The following SLC16A7 variants were observed in gnomAD, a reference collection of about 807,000 sequenced individuals.
SLC16A7 encodes the protein solute carrier family 16 member 7.
SLC16A7 carries 33 observed loss-of-function variants against 34.9 expected under a neutral mutation model. The ratio of observed to expected loss-of-function variants is 0.94; its 90% CI spans 0.72 to 1.26. The LOEUF is 1.26. Among genes scored for constraint, SLC16A7 ranks in the 50% most tolerant of loss-of-function variants. The pLI, the probability that SLC16A7 is intolerant of heterozygous loss-of-function variation, is 0.00. For missense variants in SLC16A7, 573 were observed against 578.1 expected, an observed-to-expected ratio of 0.99 and a Z score of 0.09; for synonymous variants, 201 against 206.6, an observed-to-expected ratio of 0.97 and a Z score of 0.23.
intron 2 of SLC16A7, among the ~76,000 whole-genome samples, chr12:59,655,894 G>T (rs964291873): frequency 6.6e-6 from 1 of 151,762 alleles, no homozygotes; most frequent in African/African-American, 2.4e-5. Flanking sequence ...AACTTATAAG[G>T]GAGATAATTT....
chr12:59,704,747 C>A, intron 2 of SLC16A7, 25 bp from the exon 3 acceptor site: 1 of 1,205,244 alleles, frequency 8.3e-7, no homozygotes, highest in Admixed American at 2.1e-5. Context: ...AAAATTTAAA[C>A]TGTTATTTCA....
At chr12:59,682,332 C>G (rs972991646) in intron 2 of SLC16A7, among the ~76,000 whole-genome samples, 2 of 151,982 alleles carry the variant, frequency 1.3e-5, no homozygotes, top group African/African-American at 2.4e-5. Context: ...TCTTAGGGGA[C>G]AGAAGACTAT....
intron 1 of SLC16A7, among the ~76,000 whole-genome samples, chr12:59,645,489 G>T (rs1393547258): frequency 6.6e-6 from 1 of 152,096 alleles, no homozygotes; most frequent in Non-Finnish European, 1.5e-5. Flanking sequence ...TCTTCCTGCT[G>T]CCAAGTGAAG....
intron 2 of SLC16A7, among the ~76,000 whole-genome samples, chr12:59,685,021 G>A (rs1176034385): frequency 6.6e-6 from 1 of 152,042 alleles, no homozygotes; most frequent in Non-Finnish European, 1.5e-5. Flanking sequence ...TTTTAGGGGA[G>A]ACTCACAATC....
intron 3 of SLC16A7, among the ~76,000 whole-genome samples, chr12:59,725,044 T>G (rs2137218818): frequency 6.6e-6 from 1 of 152,062 alleles, no homozygotes; most frequent in South Asian, 2.1e-4. Context: ...ATTCCAAAAA[T>G]ATTGTTGCAT....
Position 59,705,034 on chromosome 12 carries a change from T to C in SLC16A7, c.217+16T>C, listed in dbSNP as rs370635785. 5.7e-5 allele frequency: 86 copies of C among 1,516,498 alleles called. 1 individual carries two copies. In the Admixed American group the frequency reaches 7.2e-4, roughly 13 times the overall value. 93.9% of individuals were successfully genotyped at this position (1,516,498 alleles called of 1,614,324 possible). On this transcript the variant is annotated intron_variant, in intron 3 of 5. Coordinates refer to ENST00000547379, the MANE Select transcript of SLC16A7 (RefSeq NM_001270623.2). ...TACGCAGGAGGTAAGCTTCTTGCAA[T>C]AAATAGAATCCTGAATTAAGAAAAT...
chr12:59,681,296 C>G lies in SLC16A7; in HGVS notation c.-30-23476C>G, dbSNP rs538489173. Among the ~76,000 whole-genome samples, 6 of 152,306 alleles carry G rather than the reference C, an allele frequency of 3.9e-5. No homozygotes were observed. The East Asian group carries it at 1.2e-3, about 29-fold the overall frequency. On this transcript the variant is annotated intron_variant, in intron 2 of 5. Transcript: ENST00000547379. The stretch of plus-strand genomic sequence containing the variant: ...TCCATCTTGTTTATTGTTTTACTCC[C>G]TCCTGGGCATCCATGCACTGTCCTG...
intron 2 of SLC16A7, among the ~76,000 whole-genome samples, chr12:59,689,732 C>T (rs1432941893): frequency 1.3e-5 from 2 of 151,924 alleles, no homozygotes; most frequent in East Asian, 3.9e-4. Flanking sequence ...TGATCTAATG[C>T]TTTCAAATTG....
intron 3 of SLC16A7, among the ~76,000 whole-genome samples, chr12:59,728,896 G>C (rs957642261): frequency 1.3e-5 from 2 of 152,142 alleles, no homozygotes; most frequent in Non-Finnish European, 2.9e-5. Flanking sequence ...TAGAAATTCT[G>C]AAAGTTTATT....
intron 2 of SLC16A7, among the ~76,000 whole-genome samples, chr12:59,704,443 A>T (rs1873311666): frequency 6.6e-6 from 1 of 152,114 alleles, no homozygotes; most frequent in South Asian, 2.1e-4. Context: ...TAGAATATGT[A>T]TCAGATCTAT....
At chr12:59,634,958 A>C (rs768891005) in intron 1 of SLC16A7, among the ~76,000 whole-genome samples, 3 of 152,052 alleles carry the variant, frequency 2.0e-5, no homozygotes, top group Non-Finnish European at 4.4e-5. Flanking sequence ...TCCACATTCT[A>C]GTTCAGCTGA....
chr12:59,695,907 A>G (rs896410409), intron 2 of SLC16A7, among the ~76,000 whole-genome samples: 2 of 152,040 alleles, frequency 1.3e-5, no homozygotes, highest in African/African-American at 4.8e-5. Context: ...AAATCAGAAG[A>G]TCTCTAAAAT....
chr12:59,660,663 A>AT (rs1038909373), intron 2 of SLC16A7, among the ~76,000 whole-genome samples: 11 of 151,990 alleles, frequency 7.2e-5, no homozygotes, highest in African/African-American at 2.2e-4. Context: ...GTGAGCTTTG[A>AT]TTGCCACTGC....
chr12:59,699,219 G>A (rs1406039839), intron 2 of SLC16A7, among the ~76,000 whole-genome samples: 1 of 151,544 alleles, frequency 6.6e-6, no homozygotes, highest in Non-Finnish European at 1.5e-5. Flanking sequence ...AATTACTGAA[G>A]TATAAATATG....
chr12:59,729,765 A>G (rs1876718435), intron 3 of SLC16A7, among the ~76,000 whole-genome samples: 1 of 152,172 alleles, frequency 6.6e-6, no homozygotes, highest in Non-Finnish European at 1.5e-5. Context: ...GACCTATCAA[A>G]AGTAAGCATC....
At chr12:59,610,658 G>A (rs546760284) in intron 1 of SLC16A7, among the ~76,000 whole-genome samples, 140 of 152,292 alleles carry the variant, frequency 9.2e-4, no homozygotes, top group African/African-American at 3.3e-3. Context: ...AGAAGAGTTA[G>A]GAAGTCCCTC....
At chr12:59,649,341 G>T (rs561166337) in intron 1 of SLC16A7, among the ~76,000 whole-genome samples, 44 of 152,290 alleles carry the variant, frequency 2.9e-4, no homozygotes, top group African/African-American at 9.9e-4. Context: ...TGCGAAAGAG[G>T]ATTAGTGATT....
chr12:59,685,487 A>G (rs1462314719), intron 2 of SLC16A7, among the ~76,000 whole-genome samples: 2 of 152,142 alleles, frequency 1.3e-5, no homozygotes, highest in African/African-American at 4.8e-5. Context: ...TTGAAAAAGG[A>G]AATACATTTT....
chr12:59,694,617 T>A (rs1022160033), intron 2 of SLC16A7, among the ~76,000 whole-genome samples: 2 of 151,968 alleles, frequency 1.3e-5, no homozygotes, highest in Admixed American at 6.6e-5. Context: ...GTACAGTAGA[T>A]CTCTAAGATC....
Sources: gnomAD v4.1 joint callset for allele counts (sites outside exome capture counted in the v4.1 genomes callset) on GRCh38, gnomAD v4.1.1 for gene constraint, MANE v1.5 for transcripts, NCBI Gene and HGNC (gene_info 2026-07-23, HGNC 2026-07-21) for gene names.